The following PRKCA variants were observed in gnomAD, a reference collection of about 807,000 sequenced individuals.
PRKCA encodes the protein protein kinase C alpha type.
Under a neutral mutation model 87.0 loss-of-function variants are expected in PRKCA, and 27 were observed. The ratio of observed to expected loss-of-function variants is 0.31; its 90% CI spans 0.23 to 0.43. The LOEUF is 0.43. PRKCA is among the 20% of genes least tolerant of loss of function. The probability of loss-of-function intolerance (pLI) is 1.00; values close to 1 mark genes in which losing one functional copy is unlikely to be tolerated. For missense variants in PRKCA, 518 were observed against 852.3 expected, an observed-to-expected ratio of 0.61 and a Z score of 4.88; for synonymous variants, 329 against 311.1, an observed-to-expected ratio of 1.06 and a Z score of -0.61.
intron 8 of PRKCA, among the ~76,000 whole-genome samples, chr17:66,732,129 C>CAAA (rs200958703): frequency 8.0e-6 from 1 of 125,270 alleles, no homozygotes; most frequent in African/African-American, 3.0e-5. Context: ...AAAAAAAAAT[C>CAAA]AAAAAAAAAA....
At chr17:66,758,456 C>G (rs916992781) in intron 13 of PRKCA, among the ~76,000 whole-genome samples, 1 of 152,142 alleles carries the variant, frequency 6.6e-6, no homozygotes, top group Non-Finnish European at 1.5e-5. Flanking sequence ...AAATGTTAGA[C>G]ACAATACAGA....
chr17:66,611,435 A>G (rs958812692), intron 3 of PRKCA, among the ~76,000 whole-genome samples: 2 of 152,210 alleles, frequency 1.3e-5, no homozygotes, highest in Non-Finnish European at 1.5e-5. Flanking sequence ...CATAAATGGA[A>G]TAATACAGTA....
intron 8 of PRKCA, among the ~76,000 whole-genome samples, chr17:66,727,158 G>A (rs1350539907): frequency 3.3e-5 from 5 of 152,072 alleles, no homozygotes; most frequent in Non-Finnish European, 7.3e-5. Flanking sequence ...CCAGGCTCTT[G>A]ATACTGCCAC....
intron 13 of PRKCA, among the ~76,000 whole-genome samples, chr17:66,746,883 G>A (rs965028973): frequency 6.6e-6 from 1 of 152,130 alleles, no homozygotes; most frequent in African/African-American, 2.4e-5. Context: ...TTCTGGGCGT[G>A]TGTGATCCAG....
Position 66,803,516 on chromosome 17 carries a change from C to T in PRKCA, c.1855-357C>T, listed in dbSNP as rs932262753. Among the ~76,000 whole-genome samples, 24 of 152,228 alleles carry T rather than the reference C, an allele frequency of 1.6e-4. No individual in the cohort carries two copies. The highest frequency in any genetic ancestry group is 4.8e-4 in the African/African-American group (20 of 41,464). On this transcript the variant is annotated intron_variant, in intron 16 of 16. Coordinates refer to ENST00000413366, the MANE Select transcript of PRKCA (RefSeq NM_002737.3). The surrounding 1 kb of genome is among the most constrained non-coding windows in gnomAD (Gnocchi z 4.4). ...CAGCCGACATCCTGGCCTTTCAACA[C>T]GGAGCTGTGACTGACGGCCCTGCGT...
At chr17:66,505,501 A>G (rs545147459) in intron 3 of PRKCA, among the ~76,000 whole-genome samples, 1 of 152,138 alleles carries the variant, frequency 6.6e-6, no homozygotes, top group South Asian at 2.1e-4. Context: ...TGTAGTTCCT[A>G]CCTCCCATCT....
intron 2 of PRKCA, among the ~76,000 whole-genome samples, chr17:66,407,835 T>C (rs994756241): frequency 2.6e-5 from 4 of 152,228 alleles, no homozygotes; most frequent in Admixed American, 2.6e-4. Context: ...GATTATGGTG[T>C]TTATTCTTGA....
chr17:66,531,877 T>C (rs747597050), intron 3 of PRKCA, among the ~76,000 whole-genome samples: 1 of 152,180 alleles, frequency 6.6e-6, no homozygotes, highest in Non-Finnish European at 1.5e-5. Context: ...GCTGTTTTCC[T>C]TCCCCAGACC....
intron 3 of PRKCA, among the ~76,000 whole-genome samples, chr17:66,622,055 A>AC (rs10682878): frequency 1.3e-5 from 2 of 150,464 alleles, no homozygotes; most frequent in African/African-American, 2.4e-5. Flanking sequence ...AACAACAACA[A>AC]ACAGCTAGCC....
At chr17:66,724,725 C>T (rs1386392622) in intron 8 of PRKCA, among the ~76,000 whole-genome samples, 1 of 152,244 alleles carries the variant, frequency 6.6e-6, no homozygotes, top group African/African-American at 2.4e-5. Flanking sequence ...ACTTACTCTT[C>T]TGCTTCCTCA....
chr17:66,658,356 C>T (rs886568211), intron 5 of PRKCA, among the ~76,000 whole-genome samples: 6 of 152,064 alleles, frequency 3.9e-5, no homozygotes. Flanking sequence ...TGGCAGACAC[C>T]TGTAATCCCA....
chr17:66,691,585 C>T (rs1972786286), intron 8 of PRKCA, among the ~76,000 whole-genome samples: 1 of 152,178 alleles, frequency 6.6e-6, no homozygotes, highest in Non-Finnish European at 1.5e-5. Flanking sequence ...CCTTCTTGAG[C>T]CCCATCCCTG....
chr17:66,504,300 C>T (rs953344879), intron 3 of PRKCA, among the ~76,000 whole-genome samples: 2 of 145,420 alleles, frequency 1.4e-5, no homozygotes. Flanking sequence ...TAAGATTGCA[C>T]AGGGTGGGCC....
chr17:66,700,585 G>GATTCT (rs1403911264), intron 8 of PRKCA, among the ~76,000 whole-genome samples: 4 of 152,080 alleles, frequency 2.6e-5, no homozygotes, highest in Admixed American at 6.5e-5. Flanking sequence ...TAGAACTAAT[G>GATTCT]AACAAATTCA....
chr17:66,608,915 G>A (rs569103247), intron 3 of PRKCA, among the ~76,000 whole-genome samples: 6 of 152,270 alleles, frequency 3.9e-5, no homozygotes, highest in Non-Finnish European at 7.4e-5. Flanking sequence ...AGCTTCCCAG[G>A]TGATCCTGAA....
At chr17:66,554,583 AGGTG>A (rs35476409) in intron 3 of PRKCA, 310,616 of 935,868 alleles carry the variant, frequency 0.33, 52,881 homozygotes, top group African/African-American at 0.43. Context: ...TCCGAAGGTA[AGGTG>A]GGTGACCTGT....
chr17:66,711,647 C>T (rs1344986649), intron 8 of PRKCA, among the ~76,000 whole-genome samples: 1 of 152,266 alleles, frequency 6.6e-6, no homozygotes, highest in South Asian at 2.1e-4. Context: ...AAGATTGTCG[C>T]AGTGCTTTTA....
rs945755565 is a variant in PRKCA at position 66,765,597 on chromosome 17, T to G, written c.1525-8390T>G. 2.0e-5 allele frequency among the ~76,000 whole-genome samples: 3 copies of G among 150,216 alleles called. No homozygotes were observed. In the South Asian group the frequency reaches 6.3e-4, roughly 32 times the overall value. ...ATGAGCTATTTTGCATTTTTTATAC[T>G]AAGTCTTCAAAATATGATGTGGATT... On this transcript the variant is annotated intron_variant, in intron 13 of 16. Transcript: ENST00000413366.
chr17:66,507,602 G>A (rs1917033859), intron 3 of PRKCA, among the ~76,000 whole-genome samples: 1 of 152,216 alleles, frequency 6.6e-6, no homozygotes, highest in Non-Finnish European at 1.5e-5. Flanking sequence ...ATGTAGGGCT[G>A]ATGGGACCGG....
Sources: allele counts gnomAD v4.1 joint callset (sites outside exome capture counted in the v4.1 genomes callset), GRCh38; gene constraint gnomAD v4.1.1; non-coding constraint Gnocchi (gnomAD v3.1); transcripts MANE v1.5; gene names NCBI Gene and HGNC (gene_info 2026-07-23, HGNC 2026-07-21).